Variants in GSG1L observed in about 807,000 individuals in gnomAD.
GSG1L encodes germ cell-specific gene 1-like protein.
Under a neutral mutation model 42.1 loss-of-function variants are expected in GSG1L, and 24 were observed. That is an observed-to-expected ratio of 0.57 (90% CI 0.41 to 0.80). The LOEUF (loss-of-function observed/expected upper bound fraction) is 0.80, where lower values mean the gene tolerates loss of function less well. GSG1L is among the 30% of genes least tolerant of loss of function. The pLI is 0.00. For synonymous variants in GSG1L, 215 were observed against 203.5 expected (o/e 1.06, Z -0.48); for missense variants, 445 against 472.2 (o/e 0.94, Z 0.53).
At chr16:27,949,408 A>G (rs968570693) in intron 2 of GSG1L, among the ~76,000 whole-genome samples, 3 of 152,212 alleles carry the variant, frequency 2.0e-5, no homozygotes, top group African/African-American at 7.2e-5. Context: ...GAAATTGGGA[A>G]GGCAGCGTGA....
chr16:28,034,161 T>C (rs546099553), intron 1 of GSG1L, among the ~76,000 whole-genome samples: 8 of 146,796 alleles, frequency 5.4e-5, no homozygotes, highest in East Asian at 2.0e-4. Context: ...TCCCATCCCG[T>C]TCCACCCCAT....
At chr16:27,991,897 C>T (rs538020262) in intron 1 of GSG1L, among the ~76,000 whole-genome samples, 1 of 152,228 alleles carries the variant, frequency 6.6e-6, no homozygotes, top group South Asian at 2.1e-4. Flanking sequence ...TATACCATAC[C>T]AAGCGTCTTC....
chr16:27,972,925 C>T (rs940711580), intron 1 of GSG1L, among the ~76,000 whole-genome samples: 18 of 152,152 alleles, frequency 1.2e-4, no homozygotes, highest in African/African-American at 3.9e-4. Flanking sequence ...TGGCACCGGC[C>T]GATCCTTCAG....
chr16:28,020,462 T>A (rs2085829754), intron 1 of GSG1L, among the ~76,000 whole-genome samples: 1 of 152,312 alleles, frequency 6.6e-6, no homozygotes, highest in Admixed American at 6.5e-5. Flanking sequence ...GTTTACAATA[T>A]GCCAACCATT....
In GSG1L at chr16:27,790,088, T is replaced by C. The variant is rs545589113; in HGVS notation, c.*1282A>G. On this transcript the variant is annotated 3_prime_UTR_variant, in exon 7 of 7. Transcript: ENST00000447459. ...GATGAATGGATAGATGATGGATGGATGGAAGGATGGATGAATGAATGAATG... is the reference window on the plus strand; with the variant it reads ...GATGAATGGATAGATGATGGATGGACGGAAGGATGGATGAATGAATGAATG... The C allele has an allele frequency of 4.0e-5, 6 of 150,986 alleles. No individual in the cohort carries two copies. In the South Asian group the frequency reaches 6.3e-4, roughly 16 times the overall value. 9.4% of individuals were successfully genotyped at this position (150,986 alleles called of 1,614,324 possible).
intron 1 of GSG1L, among the ~76,000 whole-genome samples, chr16:28,013,414 G>A (rs1375178416): frequency 6.6e-6 from 1 of 152,106 alleles, no homozygotes; most frequent in Non-Finnish European, 1.5e-5. Flanking sequence ...CACAGGAAGA[G>A]AATCTCCTTT....
At chr16:27,928,591 C>G (rs1280320207) in intron 2 of GSG1L, among the ~76,000 whole-genome samples, 5 of 152,178 alleles carry the variant, frequency 3.3e-5, no homozygotes, top group African/African-American at 1.2e-4. Flanking sequence ...GTCTGGACAC[C>G]AGGGAGAGGC....
chr16:27,926,528 C>CA (rs1414186628), intron 2 of GSG1L, among the ~76,000 whole-genome samples: 1 of 151,176 alleles, frequency 6.6e-6, no homozygotes, highest in Non-Finnish European at 1.5e-5. Flanking sequence ...AACAAAAAAA[C>CA]AAAAAAACAA....
At chr16:27,794,254 G>T (rs1021031828) in intron 6 of GSG1L, among the ~76,000 whole-genome samples, 1 of 152,062 alleles carries the variant, frequency 6.6e-6, no homozygotes, top group Admixed American at 6.5e-5. Context: ...CTGACCTCAG[G>T]TTATCTTCCC....
intron 1 of GSG1L, among the ~76,000 whole-genome samples, chr16:27,973,521 G>T (rs1019428060): frequency 1.3e-5 from 2 of 149,804 alleles, no homozygotes; most frequent in African/African-American, 2.5e-5. Flanking sequence ...CCTACATGCG[G>T]GTCAGAGGAA....
intron 1 of GSG1L, among the ~76,000 whole-genome samples, chr16:27,976,955 C>T (rs549253842): frequency 3.9e-5 from 6 of 152,330 alleles, no homozygotes; most frequent in African/African-American, 1.4e-4. Context: ...TTGTCACGTG[C>T]TACCCTGAGC....
chr16:27,853,612 TC>T (rs947107740), intron 3 of GSG1L, among the ~76,000 whole-genome samples: 1 of 152,206 alleles, frequency 6.6e-6, no homozygotes, highest in Non-Finnish European at 1.5e-5. Flanking sequence ...TCTCCAAAGG[TC>T]CCCTTTTAGA....
At chr16:27,946,582 AG>A (rs369575166) in intron 2 of GSG1L, among the ~76,000 whole-genome samples, 2,399 of 22,618 alleles carry the variant, frequency 0.11, 25 homozygotes, top group East Asian at 0.14. Flanking sequence ...AGAAAGAAAG[AG>A]AGAGAGAGAG....
chr16:27,991,756 T>G (rs566906679), intron 1 of GSG1L, among the ~76,000 whole-genome samples: 1 of 152,336 alleles, frequency 6.6e-6, no homozygotes, highest in South Asian at 2.1e-4. Flanking sequence ...ATTGTTTTAC[T>G]TATTCTGAGA....
In GSG1L at chr16:27,847,747, G is replaced by T. The variant is rs1375692663; in HGVS notation, c.551-2686C>A. On this transcript the variant is annotated intron_variant, in intron 3 of 6. Transcript: ENST00000447459. ...GCGAGTGAGTTCTCACGAGAGAGCT[G>T]GTTGTTTAAAAGTGTGTAGCACCTC... Among the ~76,000 whole-genome samples the T allele has an allele frequency of 5.9e-5, 9 of 152,318 alleles. No homozygotes were observed. The South Asian group carries it at 1.5e-3, about 25-fold the overall frequency.
chr16:27,974,334 G>T (rs1210873043), intron 1 of GSG1L, among the ~76,000 whole-genome samples: 1 of 152,330 alleles, frequency 6.6e-6, no homozygotes, highest in East Asian at 1.9e-4. Flanking sequence ...CTTGCACCCA[G>T]TGAGGGTCCC....
At chr16:27,865,620 CAT>C (rs1247555062) in intron 3 of GSG1L, among the ~76,000 whole-genome samples, 21 of 139,166 alleles carry the variant, frequency 1.5e-4, no homozygotes, top group East Asian at 4.2e-4. Flanking sequence ...CACACACACA[CAT>C]ATATATGTGT....
intron 2 of GSG1L, among the ~76,000 whole-genome samples, chr16:27,926,084 T>C (rs1343049810): frequency 6.6e-6 from 1 of 152,168 alleles, no homozygotes; most frequent in East Asian, 1.9e-4. Context: ...AAAAACAGTC[T>C]TCATGAATAC....
chr16:27,976,674 TAAGA>T (rs1326174920), intron 1 of GSG1L, among the ~76,000 whole-genome samples: 2 of 152,202 alleles, frequency 1.3e-5, no homozygotes, highest in Non-Finnish European at 2.9e-5. Flanking sequence ...GCAGCAGACT[TAAGA>T]TCGGGAGGTC....
Sources: gnomAD v4.1 joint callset for allele counts (sites outside exome capture counted in the v4.1 genomes callset) on GRCh38, gnomAD v4.1.1 for gene constraint, MANE v1.5 for transcripts, NCBI Gene and HGNC (gene_info 2026-07-23, HGNC 2026-07-21) for gene names.